The following NGFR variants were observed in gnomAD, a reference collection of about 807,000 sequenced individuals.
NGFR encodes the protein nerve growth factor receptor, also known as tumor necrosis factor receptor superfamily member 16.
NGFR carries 30 observed loss-of-function variants against 43.2 expected under a neutral mutation model. The observed-to-expected ratio is 0.69, with a 90% CI of 0.52 to 0.94. NGFR has a LOEUF of 0.94. Ranked by LOEUF, NGFR falls within the 40% of genes least tolerant of loss-of-function variation. NGFR has a pLI of 0.00. For missense variants in NGFR, 529 were observed against 602.5 expected, an observed-to-expected ratio of 0.88 and a Z score of 1.28; for synonymous variants, 246 against 259.6, an observed-to-expected ratio of 0.95 and a Z score of 0.50.
intron 3 of NGFR, among the ~76,000 whole-genome samples, chr17:49,508,411 G>T (rs1399749589): frequency 6.6e-6 from 1 of 152,208 alleles, no homozygotes; most frequent in South Asian, 2.1e-4. Context: ...CTGAGGGAGT[G>T]TTCATACCAG....
chr17:49,502,911 T>TTTCC lies in NGFR; in HGVS notation c.208+727_208+730dup, dbSNP rs547029564. On this transcript the variant is annotated intron_variant, in intron 2 of 5. Transcript: ENST00000172229. ...CTTTACCTTTCTTTCCTTTCTTTCC[T>TTTCC]TTCCTTCCTTCCTTCCTTCCTTCAA... is the stretch of plus-strand genomic sequence containing the variant. Among the ~76,000 whole-genome samples the TTTCC allele has an allele frequency of 1.3e-3, 197 of 149,886 alleles. 5 individuals are homozygous for TTTCC. Among genetic ancestry groups the TTTCC allele is most frequent in the African/African-American group, 3.4e-3 (140 of 40,848 alleles).
At chr17:49,506,044 G>A (rs2071194339) in intron 2 of NGFR, 1 of 585,530 alleles carries the variant, frequency 1.7e-6, no homozygotes, top group Non-Finnish European at 2.7e-6. Flanking sequence ...GGTTATGCCG[G>A]AAAGCCTCCC....
chr17:49,498,761 T>G (rs2071152279), intron 1 of NGFR, among the ~76,000 whole-genome samples: 1 of 152,224 alleles, frequency 6.6e-6, no homozygotes, highest in South Asian at 2.1e-4. Flanking sequence ...AATGACTAAG[T>G]GTAACACATA....
At chr17:49,508,401 C>T (rs564974146) in intron 3 of NGFR, among the ~76,000 whole-genome samples, 46 of 152,302 alleles carry the variant, frequency 3.0e-4, no homozygotes, top group African/African-American at 9.6e-4. Context: ...GAGGGTGCTC[C>T]TGAGGGAGTG....
intron 3 of NGFR, among the ~76,000 whole-genome samples, chr17:49,507,693 C>T (rs1171558062): frequency 6.6e-6 from 1 of 152,186 alleles, no homozygotes; most frequent in Non-Finnish European, 1.5e-5. Context: ...TGTGGCCATG[C>T]ACACATTGAG....
At chr17:49,506,687 T>TGGGGG in intron 3 of NGFR, 29 bp downstream of exon 3, 9 of 128,674 alleles carry the variant, frequency 7.0e-5, no homozygotes, top group Middle Eastern at 2.4e-3. Flanking sequence ...GCGGGGGGAG[T>TGGGGG]GGGGGTGCGG....
rs990114882 is a variant in NGFR at position 49,512,431 on chromosome 17, C to A, written c.983-277C>A. Among the ~76,000 whole-genome samples, 2 of 152,174 alleles carry A rather than the reference C, an allele frequency of 1.3e-5. No individual in the cohort carries two copies. The highest frequency in any genetic ancestry group is 2.9e-5 in the Non-Finnish European group (2 of 68,028). ...GGACACTTGCTGTAGTTGTCTAGAA[C>A]TGAGAAGCCCTATCTCCTCCTCTGC... On this transcript the variant is annotated intron_variant, in intron 5 of 5. Coordinates refer to ENST00000172229, the MANE Select transcript of NGFR (RefSeq NM_002507.4). The surrounding 1 kb of genome is among the most constrained non-coding windows in gnomAD (Gnocchi z 5.2).
chr17:49,502,815 TCTTCCTTCCTTCCTTCCTTC>T (rs10672288), intron 2 of NGFR, among the ~76,000 whole-genome samples: 5,357 of 121,586 alleles, frequency 0.044, 130 homozygotes, highest in African/African-American at 0.063. Flanking sequence ...GCCTGGGATT[TCTTCCTTCCTTCCTTCCTTC>T]CTTCCTTCCT....
intron 2 of NGFR, among the ~76,000 whole-genome samples, chr17:49,505,488 C>T (rs1337158167): frequency 1.3e-5 from 2 of 152,224 alleles, no homozygotes; most frequent in African/African-American, 4.8e-5. Flanking sequence ...AGTGCACATC[C>T]AGTAATTAAG....
At chr17:49,506,062 C>A in intron 2 of NGFR, 1 of 699,688 alleles carries the variant, frequency 1.4e-6, no homozygotes, top group Non-Finnish European at 2.1e-6. Flanking sequence ...CCCGGCCGGC[C>A]AGTGCTTCTG....
chr17:49,507,811 C>T (rs1414249283), intron 3 of NGFR, among the ~76,000 whole-genome samples: 5 of 152,208 alleles, frequency 3.3e-5, no homozygotes, highest in African/African-American at 1.2e-4. Flanking sequence ...AGATAGCCTT[C>T]GCCCAGTCTA....
chr17:49,506,840 T>A (rs1454509769), intron 3 of NGFR, among the ~76,000 whole-genome samples, 182 bp downstream of exon 3: 3 of 152,032 alleles, frequency 2.0e-5, no homozygotes, highest in East Asian at 3.9e-4. Context: ...AGGGAGGAGG[T>A]CATTCCCCAT....
intron 4 of NGFR, 74 bp downstream of exon 4, chr17:49,510,738 T>C: frequency 6.4e-7 from 1 of 1,563,758 alleles, no homozygotes; most frequent in Non-Finnish European, 8.7e-7. Flanking sequence ...GACCTTGACC[T>C]GAAAACATAC....
chr17:49,509,305 A>C (rs926186574), intron 3 of NGFR, among the ~76,000 whole-genome samples: 5 of 152,162 alleles, frequency 3.3e-5, no homozygotes, highest in African/African-American at 9.7e-5. Context: ...GGGAGGGCAG[A>C]GCTGGGAGCC....
chr17:49,502,000 A>ACCGGCCC lies in NGFR; in HGVS notation c.67-61_67-60insGGCCCCC. ...GGAGGGTGTTTGATTCCCCGGAAGA[A>ACCGGCCC]CCCCCCCCAACCCACCCCAGCTTTC... On this transcript the variant is annotated intron_variant, in intron 1 of 5. Transcript: ENST00000172229. 5 of 264,886 alleles carry ACCGGCCC rather than the reference A, an allele frequency of 1.9e-5. No homozygotes were observed. The East Asian group carries it at 2.6e-4, about 14-fold the overall frequency. 16.4% of individuals were successfully genotyped at this position (264,886 alleles called of 1,614,324 possible).
chr17:49,495,848 C>A lies in NGFR; in HGVS notation c.66+365C>A. 1 of 242,036 alleles carries A rather than the reference C, an allele frequency of 4.1e-6. No homozygotes were observed. The highest frequency in any genetic ancestry group is 7.9e-6 in the Non-Finnish European group (1 of 126,128). The allele number at this position is 242,036 out of a possible 1,614,324, so 15.0% of individuals were successfully genotyped here. On this transcript the variant is annotated intron_variant, in intron 1 of 5. Transcript: ENST00000172229. The surrounding 1 kb of genome is among the most constrained non-coding windows in gnomAD (Gnocchi z 6.4). Reference sequence around the variant, plus strand: ...GATCCCGAAGGGACTTTCCCCTCAGCATCTCGGTCTCTGGAGAGTCGTGGG... The same window carrying A: ...GATCCCGAAGGGACTTTCCCCTCAGAATCTCGGTCTCTGGAGAGTCGTGGG...
chr17:49,510,343 G>A (rs1207760149), intron 3 of NGFR, 69 bp from the exon 4 acceptor site: 79 of 1,584,766 alleles, frequency 5.0e-5, no homozygotes, highest in South Asian at 2.9e-4. Context: ...GAAGAACACG[G>A]CAGTGGGTTA....
chr17:49,501,999 A>ACGGGCCCCCCCCCC, intron 1 of NGFR, 64 bp from the exon 2 acceptor site: 1 of 330,984 alleles, frequency 3.0e-6, no homozygotes, highest in Non-Finnish European at 5.9e-6. Context: ...TCCCCGGAAG[A>ACGGGCCCCCCCCCC]ACCCCCCCCA....
At chr17:49,503,056 C>T (rs1055708085) in intron 2 of NGFR, among the ~76,000 whole-genome samples, 9 of 152,108 alleles carry the variant, frequency 5.9e-5, no homozygotes, top group African/African-American at 1.2e-4. Context: ...GCTGGGACTA[C>T]GGGTGCATGC....
Sources: gnomAD v4.1 joint callset for allele counts (sites outside exome capture counted in the v4.1 genomes callset) on GRCh38, gnomAD v4.1.1 for gene constraint, Gnocchi (gnomAD v3.1) non-coding constraint, MANE v1.5 for transcripts, NCBI Gene and HGNC (gene_info 2026-07-23, HGNC 2026-07-21) for gene names.